The following NCOA2 variants were observed in gnomAD, a reference collection of about 807,000 sequenced individuals.
NCOA2 encodes the protein class E basic helix-loop-helix protein 75.
A neutral mutation model predicts 145.1 loss-of-function variants in NCOA2; 21 were observed. That is an observed-to-expected ratio of 0.14 (90% confidence interval 0.10 to 0.21). The LOEUF (loss-of-function observed/expected upper bound fraction) is 0.21. NCOA2 is among the 10% of genes least tolerant of loss of function. The pLI is 1.00. For synonymous variants in NCOA2, 619 were observed against 637.5 expected, an observed-to-expected ratio of 0.97 and a Z score of 0.44; for missense variants, 1,472 against 1,837.6, an observed-to-expected ratio of 0.80 and a Z score of 3.64.
At chr8:70,281,673 C>G (rs1476562079) in intron 2 of NCOA2, among the ~76,000 whole-genome samples, 1 of 152,144 alleles carries the variant, frequency 6.6e-6, no homozygotes, top group African/African-American at 2.4e-5. Context: ...AGAAACATAG[C>G]CTTCTCTTCC....
chr8:70,371,915 T>A (rs139301888), intron 1 of NCOA2, among the ~76,000 whole-genome samples: 3 of 152,298 alleles, frequency 2.0e-5, no homozygotes, highest in Admixed American at 1.3e-4. Context: ...AGTACGTTCA[T>A]CTGATGTCTA....
chr8:70,440,867 A>G, the NCOA2 span, among the ~76,000 whole-genome samples: 1 of 151,664 alleles, frequency 6.6e-6, no homozygotes, highest in Non-Finnish European at 1.5e-5. Context: ...AGGAAGAAAG[A>G]AAGACAGACT....
rs73684231 is a variant in NCOA2 at position 70,230,366 on chromosome 8, G to A, written c.-19-13602C>T. 3.7e-3 allele frequency among the ~76,000 whole-genome samples: 567 copies of A among 152,238 alleles called. 8 individuals are homozygous for A. The highest frequency in any genetic ancestry group is 0.013 in the African/African-American group (551 of 41,538). ...CTGTTGAGTACAGGGTTTCTTTTGG[G>A]GTTGATAAAACTGTTCTGAAATTAG... On this transcript the variant is annotated intron_variant, in intron 2 of 22. Coordinates refer to ENST00000452400, the MANE Select transcript of NCOA2 (RefSeq NM_006540.4).
At chr8:70,308,106 T>C (rs1383770011) in intron 1 of NCOA2, among the ~76,000 whole-genome samples, 2 of 152,178 alleles carry the variant, frequency 1.3e-5, no homozygotes, top group Non-Finnish European at 2.9e-5. Context: ...ACCCAAAATA[T>C]GTCTCTGAAC....
At chr8:70,148,204 A>G in intron 12 of NCOA2, 69 bp downstream of exon 12, 1 of 1,481,602 alleles carries the variant, frequency 6.7e-7, no homozygotes, top group Non-Finnish European at 9.4e-7. Context: ...ATCAGACTTC[A>G]ATAATCCCTG....
intron 1 of NCOA2, among the ~76,000 whole-genome samples, chr8:70,319,129 CG>C (rs1242195589): frequency 3.9e-5 from 6 of 152,050 alleles, no homozygotes; most frequent in Non-Finnish European, 7.4e-5. Flanking sequence ...AGCAATGAAA[CG>C]GGAAAGACGG....
intron 1 of NCOA2, among the ~76,000 whole-genome samples, chr8:70,309,950 C>T (rs1828182585): frequency 1.3e-5 from 2 of 151,786 alleles, no homozygotes; most frequent in Non-Finnish European, 2.9e-5. Flanking sequence ...AAGACCCTGT[C>T]TCGAAAACAA....
At chr8:70,363,758 AAAG>A (rs1219853614) in intron 1 of NCOA2, among the ~76,000 whole-genome samples, 4 of 152,206 alleles carry the variant, frequency 2.6e-5, no homozygotes, top group Non-Finnish European at 4.4e-5. Flanking sequence ...CACTGACCAA[AAAG>A]AAGCAGAGTA....
chr8:70,291,086 A>G lies in NCOA2; in HGVS notation c.-20+5658T>C, dbSNP rs1051025974. 3.3e-5 allele frequency among the ~76,000 whole-genome samples: 5 copies of G among 152,236 alleles called. No individual in the cohort carries two copies. The South Asian group carries it at 6.2e-4, about 19-fold the overall frequency. The stretch of plus-strand genomic sequence containing the variant: ...CACAGACCTTCTCCCTGAAGCTAAC[A>G]ACTGTACCACCCAGACAAGTGGAAT... On this transcript the variant is annotated intron_variant, in intron 2 of 22. Transcript: ENST00000452400.
the NCOA2 span, among the ~76,000 whole-genome samples, chr8:70,417,223 C>T: frequency 1.7e-5 from 2 of 115,980 alleles, no homozygotes; most frequent in East Asian, 5.3e-4. Context: ...GCCTGGACAA[C>T]ATAGTGAGAC....
chr8:70,267,261 GTATTT>G (rs1824678507), intron 2 of NCOA2, among the ~76,000 whole-genome samples: 1 of 152,074 alleles, frequency 6.6e-6, no homozygotes, highest in Non-Finnish European at 1.5e-5. Context: ...AGAAAAAGAC[GTATTT>G]TATTGTGCTA....
chr8:70,233,450 G>A (rs1821325210), intron 2 of NCOA2, among the ~76,000 whole-genome samples: 1 of 152,114 alleles, frequency 6.6e-6, no homozygotes, highest in Non-Finnish European at 1.5e-5. Flanking sequence ...GCTGAATTTT[G>A]AGATTCAAAT....
At chr8:70,157,265 T>C (rs760231324) in intron 10 of NCOA2, 25 bp from the exon 11 acceptor site, 2 of 1,498,816 alleles carry the variant, frequency 1.3e-6, no homozygotes, top group Non-Finnish European at 1.8e-6. Context: ...AAGAAAAAAA[T>C]GTAAGATAAA....
intron 15 of NCOA2, among the ~76,000 whole-genome samples, chr8:70,135,144 C>T (rs776076413): frequency 1.3e-4 from 20 of 152,188 alleles, no homozygotes; most frequent in Non-Finnish European, 2.6e-4. Flanking sequence ...CCAAAAGATG[C>T]TACACATACC....
At chr8:70,147,899 A>G (rs1811281745) in intron 12 of NCOA2, among the ~76,000 whole-genome samples, 1 of 152,216 alleles carries the variant, frequency 6.6e-6, no homozygotes, top group Non-Finnish European at 1.5e-5. Context: ...CTAAAAAGTC[A>G]GCATAGCTCC....
intron 3 of NCOA2, among the ~76,000 whole-genome samples, chr8:70,215,452 C>A (rs905662977): frequency 2.6e-5 from 4 of 152,100 alleles, no homozygotes; most frequent in African/African-American, 7.2e-5. Flanking sequence ...TTGTGGTTTA[C>A]CAGGAAGTAG....
chr8:70,358,920 C>T (rs968562087), intron 1 of NCOA2, among the ~76,000 whole-genome samples: 2 of 152,050 alleles, frequency 1.3e-5, no homozygotes, highest in Admixed American at 1.3e-4. Flanking sequence ...GAGCAAAGGA[C>T]CTGAACAGAC....
At chr8:70,250,252 T>C (rs924122511) in intron 2 of NCOA2, among the ~76,000 whole-genome samples, 1 of 151,288 alleles carries the variant, frequency 6.6e-6, no homozygotes, top group Non-Finnish European at 1.5e-5. Context: ...ATTAGGCAGG[T>C]GTGGTGGCAC....
chr8:70,364,529 G>C (rs1459764831), intron 1 of NCOA2, among the ~76,000 whole-genome samples: 3 of 152,146 alleles, frequency 2.0e-5, no homozygotes, highest in Non-Finnish European at 4.4e-5. Flanking sequence ...GCGTAATGAA[G>C]TCTATTAATG....
Sources: allele counts gnomAD v4.1 joint callset (sites outside exome capture counted in the v4.1 genomes callset), GRCh38; gene constraint gnomAD v4.1.1; transcripts MANE v1.5; gene names NCBI Gene and HGNC (gene_info 2026-07-23, HGNC 2026-07-21).